TENT4B: variants seen among roughly 807,000 people sequenced by gnomAD.
The protein encoded by TENT4B is PAP associated domain containing 5.
In TENT4B, 10 loss-of-function variants were observed where a neutral mutation model predicts 75.0. That is an observed-to-expected ratio of 0.13 (90% CI 0.08 to 0.23). TENT4B has a LOEUF of 0.23. TENT4B is among the 10% of genes least tolerant of loss of function. TENT4B has a pLI of 1.00. For missense variants in TENT4B, 579 were observed against 893.8 expected (o/e 0.65, Z 4.49); for synonymous variants, 350 against 357.7 (o/e 0.98, Z 0.24).
chr16:50,152,957 G>A (rs1210173489), upstream of TENT4B: 4 of 1,508,820 alleles, frequency 2.7e-6, no homozygotes, highest in Admixed American at 2.1e-5. Flanking sequence ...ACCTCCATGC[G>A]GCCTCGTCCA....
chr16:50,226,186 A>T (rs1054373755), intron 10 of TENT4B, among the ~76,000 whole-genome samples: 6 of 151,708 alleles, frequency 4.0e-5, no homozygotes, highest in Non-Finnish European at 7.4e-5. Context: ...TTTTTAGTAG[A>T]GATGGGGTTT....
intron 1 of TENT4B, among the ~76,000 whole-genome samples, chr16:50,203,441 G>A (rs2030770372): frequency 6.6e-6 from 1 of 152,164 alleles, no homozygotes; most frequent in Non-Finnish European, 1.5e-5. Context: ...GGCACGTTGT[G>A]TAAACTTTAA....
rs971885873 is a variant in TENT4B, at chr16:50,153,611, G to A, written c.-11G>A. 4.4e-5 allele frequency: 44 copies of A among 1,001,190 alleles called. No individual in the cohort carries two copies. The highest frequency in any genetic ancestry group is 5.2e-5 in the Non-Finnish European group (44 of 842,726). The allele number at this position is 1,001,190 out of a possible 1,614,324, so 62.0% of individuals were successfully genotyped here. A position where few individuals can be genotyped will look rare whatever the true frequency, so the allele number is the denominator to read the frequency against. On this transcript the variant is annotated 5_prime_UTR_variant, in exon 1 of 12. Coordinates refer to ENST00000561678, the MANE Select transcript of TENT4B (RefSeq NM_001365324.3). ...GCCGGGAGGGGCGGGGGCAGCGGCCGCCGCCGTTTGATGGATCCGAGGATC... is the reference window on the plus strand; with the variant it reads ...GCCGGGAGGGGCGGGGGCAGCGGCCACCGCCGTTTGATGGATCCGAGGATC...
chr16:50,229,829 A>G lies in TENT4B; in HGVS notation c.*501A>G, dbSNP rs2032218062. On this transcript the variant is annotated 3_prime_UTR_variant, in exon 12 of 12. Transcript: ENST00000561678. ...ATATATTTACCATTTTATTGTGTGT[A>G]TATATAGAAGACCATATAGGAGATT... The G allele has an allele frequency of 2.2e-6, 2 of 922,950 alleles. No homozygotes were observed. The highest frequency in any genetic ancestry group is 2.6e-6 in the Non-Finnish European group (2 of 772,970). 57.2% of individuals were successfully genotyped at this position (922,950 alleles called of 1,614,324 possible).
intron 1 of TENT4B, among the ~76,000 whole-genome samples, chr16:50,179,772 T>C (rs2038376987): frequency 6.6e-6 from 1 of 152,244 alleles, no homozygotes; most frequent in Non-Finnish European, 1.5e-5. Flanking sequence ...ACTTTATCTT[T>C]ACCTGAATCC....
At chr16:50,202,608 C>T (rs1403814026) in intron 1 of TENT4B, among the ~76,000 whole-genome samples, 3 of 152,090 alleles carry the variant, frequency 2.0e-5, no homozygotes, top group Non-Finnish European at 4.4e-5. Context: ...TACCATCAAC[C>T]GTTCTTCTTT....
chr16:50,167,904 A>G (rs570317076), intron 1 of TENT4B, among the ~76,000 whole-genome samples: 28 of 152,160 alleles, frequency 1.8e-4, no homozygotes, highest in African/African-American at 6.5e-4. Context: ...CAATCCTCTC[A>G]TCTCGGCCTC....
At chr16:50,193,978 C>G (rs974283573) in intron 1 of TENT4B, among the ~76,000 whole-genome samples, 1 of 152,084 alleles carries the variant, frequency 6.6e-6, no homozygotes, top group African/African-American at 2.4e-5. Context: ...TTTATAGATG[C>G]GGAGACTGAG....
Position 50,234,131 on chromosome 16 carries a change from T to G in TENT4B, c.*4803T>G, listed in dbSNP as rs1284680542. On this transcript the variant is annotated 3_prime_UTR_variant, in exon 12 of 12. Coordinates refer to ENST00000561678, the MANE Select transcript of TENT4B (RefSeq NM_001365324.3). ...TAAAGATGCCTAGAAACAAAACGCATATAGTACCAGTGAGAAACTATGAAG... is the reference window on the plus strand; with the variant it reads ...TAAAGATGCCTAGAAACAAAACGCAGATAGTACCAGTGAGAAACTATGAAG... The G allele has an allele frequency of 1.0e-6, 1 of 985,306 alleles. No homozygotes were observed. The highest frequency in any genetic ancestry group is 1.2e-6 in the Non-Finnish European group (1 of 829,956). 61.0% of individuals were successfully genotyped at this position (985,306 alleles called of 1,614,324 possible).
At chr16:50,210,627 CTT>C (rs2031229749) in intron 1 of TENT4B, among the ~76,000 whole-genome samples, 2 of 152,200 alleles carry the variant, frequency 1.3e-5, no homozygotes, top group South Asian at 4.1e-4. Flanking sequence ...AAGTCAGTCT[CTT>C]TTGGTCCCTC....
chr16:50,219,574 C>T, intron 5 of TENT4B, among the ~76,000 whole-genome samples: 1 of 152,094 alleles, frequency 6.6e-6, no homozygotes. Context: ...TAGAAAGATT[C>T]CCAAAAGCAA....
chr16:50,215,227 C>A (rs963844011), intron 3 of TENT4B, among the ~76,000 whole-genome samples: 2 of 152,052 alleles, frequency 1.3e-5, no homozygotes, highest in African/African-American at 2.4e-5. Context: ...ATTATTATTA[C>A]CTTAAATTTT....
chr16:50,214,472 A>G (rs909547302), intron 3 of TENT4B, among the ~76,000 whole-genome samples: 2 of 152,154 alleles, frequency 1.3e-5, no homozygotes, highest in Non-Finnish European at 2.9e-5. Context: ...CCTGGCCAAC[A>G]TGGTAAAACC....
intron 1 of TENT4B, among the ~76,000 whole-genome samples, chr16:50,190,008 G>C (rs1183078476): frequency 6.6e-6 from 1 of 150,936 alleles, no homozygotes; most frequent in Non-Finnish European, 1.5e-5. Flanking sequence ...CTTGGGAAGG[G>C]GAGATTGCAG....
intron 1 of TENT4B, among the ~76,000 whole-genome samples, chr16:50,169,420 A>C (rs2150679938): frequency 8.1e-6 from 1 of 124,070 alleles, no homozygotes; most frequent in African/African-American, 3.1e-5. Flanking sequence ...TTTTGCAAAA[A>C]TGCATCATAA....
rs186598494 is a variant in TENT4B, at chr16:50,173,302, A to G, written c.638+19043A>G. Among the ~76,000 whole-genome samples, 107 of 152,178 alleles carry G rather than the reference A, an allele frequency of 7.0e-4. 1 individual carries two copies. The highest frequency in any genetic ancestry group is 1.3e-3 in the Non-Finnish European group (86 of 68,006). On this transcript the variant is annotated intron_variant, in intron 1 of 11. Coordinates refer to ENST00000561678, the MANE Select transcript of TENT4B (RefSeq NM_001365324.3). ...ATTGTATAGGTGTATGAGTTTATCTATTCACCTTCTGAAGGACATTTTGGT... is the reference window on the plus strand; with the variant it reads ...ATTGTATAGGTGTATGAGTTTATCTGTTCACCTTCTGAAGGACATTTTGGT...
intron 8 of TENT4B, 53 bp from the exon 9 acceptor site, chr16:50,224,838 T>C (rs200912226): frequency 2.0e-5 from 33 of 1,612,260 alleles, no homozygotes; most frequent in Middle Eastern, 3.3e-4. Context: ...TGGCTTCTTA[T>C]CTTCAAATTA....
intron 1 of TENT4B, among the ~76,000 whole-genome samples, chr16:50,197,796 T>C (rs999948659): frequency 6.6e-6 from 1 of 152,174 alleles, no homozygotes; most frequent in Non-Finnish European, 1.5e-5. Flanking sequence ...TTGAGGTTTG[T>C]ACAGTTGGCC....
chr16:50,156,336 T>C (rs1160361244), intron 1 of TENT4B, among the ~76,000 whole-genome samples: 2 of 125,582 alleles, frequency 1.6e-5, no homozygotes, highest in Non-Finnish European at 1.6e-5. Flanking sequence ...CTTTGATTCA[T>C]GTATTCTGAT....
Sources: allele counts gnomAD v4.1 joint callset (sites outside exome capture counted in the v4.1 genomes callset), GRCh38; gene constraint gnomAD v4.1.1; transcripts MANE v1.5; gene names NCBI Gene and HGNC (gene_info 2026-07-23, HGNC 2026-07-21).